SF3B1: variants seen among roughly 807,000 people sequenced by gnomAD.
SF3B1 encodes the protein pre-mRNA processing 10.
A neutral mutation model predicts 153.8 loss-of-function variants in SF3B1; 12 were observed. That is an observed-to-expected ratio of 0.08 (90% confidence interval 0.05 to 0.13). The LOEUF (loss-of-function observed/expected upper bound fraction) is 0.13. Ranked by LOEUF, SF3B1 falls within the 10% of genes least tolerant of loss-of-function variation. The pLI is 1.00. For missense variants in SF3B1, 513 were observed against 1,606.1 expected (o/e 0.32, Z 11.63); for synonymous variants, 498 against 525.2 (o/e 0.95, Z 0.71).
intron 4 of SF3B1, chr2:197,419,106 C>A: frequency 1.7e-6 from 1 of 595,654 alleles, no homozygotes; most frequent in South Asian, 2.6e-5. Flanking sequence ...TTTAGAAAAT[C>A]TGATTTTAAA....
intron 1 of SF3B1, among the ~76,000 whole-genome samples, chr2:197,428,841 G>T (rs2085377444): frequency 6.6e-6 from 1 of 152,078 alleles, no homozygotes; most frequent in Non-Finnish European, 1.5e-5. Flanking sequence ...GTTGCAGTGA[G>T]CCGAGATCAC....
At chr2:197,411,340 C>G (rs1025896853) in intron 6 of SF3B1, among the ~76,000 whole-genome samples, 1 of 152,110 alleles carries the variant, frequency 6.6e-6, no homozygotes, top group African/African-American at 2.4e-5. Flanking sequence ...CGTAAGTATT[C>G]CACAGGATGT....
At chr2:197,415,297 A>C (rs919392437) in intron 6 of SF3B1, among the ~76,000 whole-genome samples, 1 of 151,894 alleles carries the variant, frequency 6.6e-6, no homozygotes, top group African/African-American at 2.4e-5. Flanking sequence ...CTGTTGCCCA[A>C]GCTGGAACAC....
At position 197,402,520 on chromosome 2, in the gene SF3B1, A is replaced by G. The variant is rs1028993772; in HGVS notation, c.2077+36T>C. The G allele has an allele frequency of 2.5e-5, 15 of 599,772 alleles. No homozygotes were observed. Among genetic ancestry groups the G allele is most frequent in the African/African-American group, 1.4e-4 (7 of 50,608 alleles). 37.2% of individuals were successfully genotyped at this position (599,772 alleles called of 1,614,324 possible). ...CATAGTAAGACCCTGTCTCCTAAAG[A>G]AAAAAAAAAAAAGACAAAGTTACAT... is the stretch of plus-strand genomic sequence containing the variant. On this transcript the variant is annotated intron_variant, in intron 14 of 24. Transcript: ENST00000335508. The surrounding 1 kb of genome is among the most constrained non-coding windows in gnomAD (Gnocchi z 4.6).
At chr2:197,418,715 A>C in intron 4 of SF3B1, 127 bp from the exon 5 acceptor site, 2 of 1,447,298 alleles carry the variant, frequency 1.4e-6, no homozygotes, top group Non-Finnish European at 1.8e-6. Context: ...TTTTGATGGA[A>C]AACTTTAATA....
At position 197,402,700 on chromosome 2, in the gene SF3B1, A is replaced by G. The variant is rs777702748; in HGVS notation, c.1933T>C (p.Leu645=). ...TTGCACACAGCTTTTAAGAAGGGCA[A>G]TAAAGAAGGAATGCCCAGGGCAGAG... is the stretch of plus-strand genomic sequence containing the variant. The part of the protein sequence containing the change: ...VASALGIPSL[L]PFLKAVCKSK... The change falls in exon 14 of 25, where the codon TTG becomes CTG. Residue 645 remains leucine (L), a synonymous_variant. Coordinates refer to ENST00000335508, the MANE Select transcript of SF3B1 (RefSeq NM_012433.4). The surrounding 1 kb of genome is among the most constrained non-coding windows in gnomAD (Gnocchi z 4.6). The G allele has an allele frequency of 3.1e-6, 5 of 1,614,140 alleles. No individual in the cohort carries two copies. Among genetic ancestry groups the G allele is most frequent in the Non-Finnish European group, 3.4e-6 (4 of 1,179,996 alleles).
At chr2:197,432,227 T>C (rs1353219869) in intron 1 of SF3B1, among the ~76,000 whole-genome samples, 1 of 152,240 alleles carries the variant, frequency 6.6e-6, no homozygotes. Flanking sequence ...AAAAAACTTT[T>C]TCAGCTTTGT....
chr2:197,390,538 A>G lies in SF3B1; in HGVS notation c.*1765T>C, dbSNP rs994550750. On this transcript the variant is annotated 3_prime_UTR_variant, in exon 25 of 25. Transcript: ENST00000335508. ...TGACATATATTCAGAAAGTTGTCAT[A>G]CAAGGAATGATGAGGAGTTACAAAT... 4 of 152,322 alleles carry G rather than the reference A, an allele frequency of 2.6e-5. No homozygotes were observed. Among genetic ancestry groups the G allele is most frequent in the Non-Finnish European group, 5.9e-5 (4 of 68,022 alleles). The allele number at this position is 152,322 out of a possible 1,614,324, so 9.4% of individuals were successfully genotyped here.
intron 23 of SF3B1, among the ~76,000 whole-genome samples, chr2:197,394,700 T>C (rs985116425): frequency 4.6e-5 from 7 of 152,058 alleles, no homozygotes; most frequent in African/African-American, 7.2e-5. Flanking sequence ...GGTCAGGAGA[T>C]GGAGACCATC....
intron 20 of SF3B1, 131 bp downstream of exon 20, chr2:197,399,924 T>C (rs889321020): frequency 3.6e-5 from 23 of 641,862 alleles, no homozygotes; most frequent in Middle Eastern, 2.9e-4. Flanking sequence ...CCGACTTAAC[T>C]ACAATCTTGA....
rs751547185 is a variant in SF3B1 at position 197,392,965 on chromosome 2, A to C, written c.3756+7T>G. On this transcript the variant is annotated splice_region_variant and intron_variant, in intron 24 of 24. Coordinates refer to ENST00000335508, the MANE Select transcript of SF3B1 (RefSeq NM_012433.4). ...ATCACCGATTAAAAAAAAAATCTTTAACTTACCTGTAAACAATATTGCAAC... is the reference window on the plus strand; with the variant it reads ...ATCACCGATTAAAAAAAAAATCTTTCACTTACCTGTAAACAATATTGCAAC... 1 of 1,548,208 alleles carries C rather than the reference A, an allele frequency of 6.5e-7. No homozygotes were observed. The highest frequency in any genetic ancestry group is 8.8e-7 in the Non-Finnish European group (1 of 1,135,614).
chr2:197,421,438 A>G (rs541891782), intron 2 of SF3B1, among the ~76,000 whole-genome samples: 1 of 152,224 alleles, frequency 6.6e-6, no homozygotes, highest in African/African-American at 2.4e-5. Context: ...CAGAAGACAA[A>G]ATGTTTTTTC....
chr2:197,408,871 C>T (rs1003445478), intron 7 of SF3B1, among the ~76,000 whole-genome samples: 4 of 151,976 alleles, frequency 2.6e-5, no homozygotes, highest in South Asian at 2.1e-4. Context: ...TGCAGTCAGC[C>T]GAGAGCGCAC....
intron 1 of SF3B1, among the ~76,000 whole-genome samples, chr2:197,428,796 G>A (rs200069915): frequency 6.6e-6 from 1 of 152,120 alleles, no homozygotes; most frequent in East Asian, 1.9e-4. Flanking sequence ...TTGGAAGGCT[G>A]AGGCATGAGA....
At chr2:197,433,444 C>A (rs761271264) in intron 1 of SF3B1, among the ~76,000 whole-genome samples, 1 of 152,176 alleles carries the variant, frequency 6.6e-6, no homozygotes, top group Non-Finnish European at 1.5e-5. Flanking sequence ...CTATCAATAT[C>A]CCCAAATGAA....
intron 7 of SF3B1, 97 bp downstream of exon 7, chr2:197,409,669 GTTAT>G (rs1400631615): frequency 1.1e-6 from 1 of 908,712 alleles, no homozygotes; most frequent in Non-Finnish European, 1.8e-6. Context: ...AAAGCAGCTG[GTTAT>G]TTATACGTGT....
intron 24 of SF3B1, among the ~76,000 whole-genome samples, chr2:197,392,764 TG>T (rs1434197169): frequency 6.6e-6 from 1 of 151,324 alleles, no homozygotes; most frequent in African/African-American, 2.4e-5. Flanking sequence ...TTACAGGCAG[TG>T]GGGGGAAAGG....
At chr2:197,435,082 G>C (rs2085503385), upstream of SF3B1, 1 of 1,601,762 alleles carries the variant, frequency 6.2e-7, no homozygotes, top group Admixed American at 1.7e-5. Flanking sequence ...AAATAGCTGG[G>C]GGCTGCACTC....
intron 2 of SF3B1, 88 bp from the exon 3 acceptor site, chr2:197,421,221 A>C (rs749091819): frequency 1.2e-6 from 1 of 865,304 alleles, no homozygotes; most frequent in African/African-American, 1.7e-5. Flanking sequence ...AATGAAATCA[A>C]AAGATCTATT....
Sources: allele counts gnomAD v4.1 joint callset (sites outside exome capture counted in the v4.1 genomes callset), GRCh38; gene constraint gnomAD v4.1.1; non-coding constraint Gnocchi (gnomAD v3.1); transcripts MANE v1.5; gene names NCBI Gene and HGNC (gene_info 2026-07-23, HGNC 2026-07-21).